Variants in MYO7B observed in about 807,000 individuals in gnomAD.
MYO7B encodes unconventional myosin-VIIb.
MYO7B carries 212 observed loss-of-function variants against 259.7 expected under a neutral mutation model. The observed-to-expected ratio is 0.82, with a 90% CI of 0.73 to 0.91. The LOEUF is 0.91. MYO7B is among the 40% of genes least tolerant of loss of function. MYO7B has a pLI of 0.00. For missense variants in MYO7B, 2,732 were observed against 2,813.5 expected, an observed-to-expected ratio of 0.97 and a Z score of 0.66; for synonymous variants, 1,197 against 1,166.4, an observed-to-expected ratio of 1.03 and a Z score of -0.54.
chr2:127,636,525 GC>G lies in MYO7B; in HGVS notation c.6124-18del, dbSNP rs1681821911. ...TGGCCTCCCGGGCTGGACTATGACC[GC>G]CGTGTCCCTCCCTCCCAGCAAACCT... is the stretch of plus-strand genomic sequence containing the variant. On this transcript the variant is annotated intron_variant, in intron 45 of 47. Coordinates refer to ENST00000409816, the MANE Select transcript of MYO7B (RefSeq NM_001393586.1). The surrounding 1 kb of genome is among the most constrained non-coding windows in gnomAD (Gnocchi z 4.5). 5.0e-6 allele frequency: 8 copies of G among 1,601,610 alleles called. No homozygotes were observed. The highest frequency in any genetic ancestry group is 6.8e-6 in the Non-Finnish European group (8 of 1,174,158).
chr2:127,572,397 C>T (rs1294966532), intron 6 of MYO7B, among the ~76,000 whole-genome samples: 44 of 145,472 alleles, frequency 3.0e-4, no homozygotes, highest in Admixed American at 2.0e-3. Context: ...CCAACCTGGG[C>T]GACAGAGTGA....
Position 127,635,907 on chromosome 2 carries a change from G to A in MYO7B, c.6006G>A (p.Lys2002=), listed in dbSNP as rs2105154237. 6.4e-7 allele frequency: 1 copy of A among 1,564,610 alleles called. No homozygotes were observed. The highest frequency in any genetic ancestry group is 1.2e-5 in the South Asian group (1 of 84,808). ...TRLMSSEEWK[K]SILLAYDKHK... is the part of the protein sequence containing the mutation. Reference sequence around the variant, plus strand: ...TGATGTCCTCGGAGGAGTGGAAAAAGGTCCCTGGTCGGGCTGGGGAAGGGT... The same window carrying A: ...TGATGTCCTCGGAGGAGTGGAAAAAAGTCCCTGGTCGGGCTGGGGAAGGGT... The change falls in exon 44 of 48, where the codon AAG becomes AAA. Residue 2002 remains lysine, a splice_region_variant and synonymous_variant. Transcript: ENST00000409816.
chr2:127,545,290 A>T (rs1470290683), intron 1 of MYO7B, among the ~76,000 whole-genome samples: 2 of 152,236 alleles, frequency 1.3e-5, no homozygotes, highest in African/African-American at 4.8e-5. Context: ...AAATGGTGGC[A>T]CCAGTTTACC....
At chr2:127,588,193 G>C (rs1176487702) in intron 14 of MYO7B, among the ~76,000 whole-genome samples, 199 bp from the exon 15 acceptor site, 1 of 152,112 alleles carries the variant, frequency 6.6e-6, no homozygotes, top group Admixed American at 6.5e-5. Context: ...CCAGAGTTTA[G>C]ACAGGAGAAG....
At position 127,588,250 on chromosome 2, in the gene MYO7B, G is replaced by T. The variant is rs1558818796; in HGVS notation, c.1691-142G>T. The stretch of plus-strand genomic sequence containing the variant: ...GTGGGGGCCATGCCTGGGTAGAGGG[G>T]TGGAGAGCATGGCCGTAGTGGGGCC... On this transcript the variant is annotated intron_variant, in intron 14 of 47. Transcript: ENST00000409816. 5.5e-6 allele frequency: 5 copies of T among 909,880 alleles called. No individual in the cohort carries two copies. In the East Asian group the frequency reaches 8.0e-5, roughly 15 times the overall value. The allele number at this position is 909,880 out of a possible 1,614,324, so 56.4% of individuals were successfully genotyped here. A position where few individuals can be genotyped will look rare whatever the true frequency, so the allele number is the denominator to read the frequency against.
intron 9 of MYO7B, among the ~76,000 whole-genome samples, chr2:127,580,329 G>C (rs1679050742): frequency 6.6e-6 from 1 of 152,180 alleles, no homozygotes; most frequent in East Asian, 1.9e-4. Flanking sequence ...AGCTCCATTA[G>C]TGCTTTGCTT....
At position 127,584,859 on chromosome 2, in the gene MYO7B, G is replaced by T. The variant is rs1360676931; in HGVS notation, c.1636G>T (p.Asp546Tyr). ...CTTCCTACAGCCCAAGAACATCCAC[G>T]ATGCCAGATTTGGCATTGCCCATTT... ...KAFLQPKNIH[D>Y]ARFGIAHFAG... The change falls in exon 14 of 48, where the codon GAT becomes TAT. Residue 546 changes from aspartate (D) to tyrosine (Y), a missense_variant. By Grantham distance (160) the Asp-to-Tyr change is radical. This residue lies in a region of MYO7B where 1,906 missense variants were observed against 2,026.4 expected (regional missense o/e 0.94). Transcript: ENST00000409816. The surrounding 1 kb of genome is among the most constrained non-coding windows in gnomAD (Gnocchi z 5.8). 1 of 1,613,912 alleles carries T rather than the reference G, an allele frequency of 6.2e-7. No individual in the cohort carries two copies. Among genetic ancestry groups the T allele is most frequent in the South Asian group, 1.1e-5 (1 of 91,080 alleles).
rs779728741 is a variant in MYO7B at position 127,623,231 on chromosome 2, C to T, written c.3675C>T (p.Ile1225=). Residue 1225 remains isoleucine, a synonymous_variant, in exon 29 of 48, where the codon ATC becomes ATT. Coordinates refer to ENST00000409816, the MANE Select transcript of MYO7B (RefSeq NM_001393586.1). ...QAVKSKKHIP[I]QVILATGESL... is the part of the protein sequence containing the mutation. ...TCAAGTCCAAGAAGCACATCCCCAT[C>T]CAAGTCATCTTGGCCACTGGAGAGA... The T allele has an allele frequency of 2.4e-5, 39 of 1,613,536 alleles. No homozygotes were observed. The highest frequency in any genetic ancestry group is 3.0e-5 in the Non-Finnish European group (35 of 1,179,808).
intron 1 of MYO7B, among the ~76,000 whole-genome samples, chr2:127,536,255 C>T (rs1238663530): frequency 2.0e-5 from 3 of 152,200 alleles, no homozygotes; most frequent in South Asian, 2.1e-4. Context: ...CATCCCACTG[C>T]GTCCTCGCAA....
In MYO7B at chr2:127,631,727, G is replaced by A; in HGVS notation, c.5223G>A (p.Leu1741=). ...AGGACGAGGTCTACTGCCAGATCCT[G>A]AAGCAGCTGACGCACAACTCCAACA... ...ALQDEVYCQI[L]KQLTHNSNRH... is the part of the protein sequence containing the mutation. The change falls in exon 38 of 48, where the codon CTG becomes CTA. Residue 1741 remains leucine, a synonymous_variant. Transcript: ENST00000409816. 1 of 1,612,888 alleles carries A rather than the reference G, an allele frequency of 6.2e-7. No individual in the cohort carries two copies. Among genetic ancestry groups the A allele is most frequent in the Non-Finnish European group, 8.5e-7 (1 of 1,179,832 alleles).
intron 30 of MYO7B, among the ~76,000 whole-genome samples, 192 bp downstream of exon 30, chr2:127,624,512 C>T (rs1681008996): frequency 6.6e-6 from 1 of 152,214 alleles, no homozygotes; most frequent in Non-Finnish European, 1.5e-5. Context: ...TCCAAGCCTC[C>T]GGGGTCCGTG....
chr2:127,606,354 C>T (rs919417962), intron 20 of MYO7B, among the ~76,000 whole-genome samples: 9 of 152,200 alleles, frequency 5.9e-5, no homozygotes, highest in Admixed American at 2.0e-4. Flanking sequence ...CTAGAGCAAC[C>T]ATGGCTGTGC....
intron 43 of MYO7B, 82 bp from the exon 44 acceptor site, chr2:127,635,640 C>T (rs1681757492): frequency 7.0e-7 from 1 of 1,432,770 alleles, no homozygotes; most frequent in African/African-American, 1.4e-5. Context: ...GCCCCAGTTC[C>T]CCACCATCTG....
chr2:127,634,468 A>C, intron 41 of MYO7B, 128 bp from the exon 42 acceptor site: 1 of 909,600 alleles, frequency 1.1e-6, no homozygotes, highest in Non-Finnish European at 1.7e-6. Flanking sequence ...ACACGCCAAT[A>C]GCCCACGCAC....
rs778319951 is a variant in MYO7B, at chr2:127,592,850, C to T, written c.2049C>T (p.Thr683=). The change falls in exon 17 of 48, where the codon ACC becomes ACT. Residue 683 remains threonine (T), a synonymous_variant. Coordinates refer to ENST00000409816, the MANE Select transcript of MYO7B (RefSeq NM_001393586.1). ...RQLRYSGMME[T]VHIRKSGFPI... Reference sequence around the variant, plus strand: ...TGCGATACTCGGGCATGATGGAGACCGTGCACATCCGCAAGTCGGGCTTCC... The same window carrying T: ...TGCGATACTCGGGCATGATGGAGACTGTGCACATCCGCAAGTCGGGCTTCC... The T allele has an allele frequency of 6.2e-6, 10 of 1,610,362 alleles. No homozygotes were observed. The highest frequency in any genetic ancestry group is 2.7e-5 in the African/African-American group (2 of 74,914).
intron 6 of MYO7B, among the ~76,000 whole-genome samples, chr2:127,571,420 T>C (rs969273114): frequency 7.0e-6 from 1 of 142,726 alleles, no homozygotes; most frequent in Non-Finnish European, 1.5e-5. Flanking sequence ...ATTCTTTAAT[T>C]GGTCTATTTC....
In MYO7B at chr2:127,636,901, C is replaced by T. The variant is rs746208066; in HGVS notation, c.6315C>T (p.Cys2105=). The change falls in exon 47 of 48, where the codon TGC becomes TGT. Residue 2105 remains cysteine, a synonymous_variant. Coordinates refer to ENST00000409816, the MANE Select transcript of MYO7B (RefSeq NM_001393586.1). The surrounding 1 kb of genome is among the most constrained non-coding windows in gnomAD (Gnocchi z 4.5). ...TGGGCCGTGGCAGCCGCCTGCTGTG[C>T]GAGACCTCCCTGGTGAGCTCAGGTT... ...GSLGRGSRLL[C]ETSLGYKMDD... is the part of the protein sequence containing the mutation. 1.1e-5 allele frequency: 17 copies of T among 1,612,552 alleles called. No homozygotes were observed. The highest frequency in any genetic ancestry group is 5.5e-5 in the South Asian group (5 of 91,088).
chr2:127,635,633 C>A, intron 43 of MYO7B, 89 bp from the exon 44 acceptor site: 1 of 1,389,166 alleles, frequency 7.2e-7, no homozygotes, highest in Non-Finnish European at 9.8e-7. Context: ...GGGCTAAGCC[C>A]CAGTTCCCCA....
Position 127,588,571 on chromosome 2 carries a change from C to A in MYO7B, c.1854+16C>A, listed in dbSNP as rs1002754295. The A allele has an allele frequency of 8.1e-6, 13 of 1,612,340 alleles. No homozygotes were observed. Among genetic ancestry groups the A allele is most frequent in the Middle Eastern group, 3.3e-4 (2 of 5,986 alleles). ...TCTCTTCAAGGTGGGCTCCCAGGCA[C>A]CCTCCTGGGTCTGTCACCCCTGATG... On this transcript the variant is annotated intron_variant, in intron 15 of 47. Coordinates refer to ENST00000409816, the MANE Select transcript of MYO7B (RefSeq NM_001393586.1).
Sources: gnomAD v4.1 joint callset for allele counts (sites outside exome capture counted in the v4.1 genomes callset) on GRCh38, gnomAD v4.1.1 for gene constraint, gnomAD v4.1.1 regional missense constraint, Gnocchi (gnomAD v3.1) non-coding constraint, MANE v1.5 for transcripts, NCBI Gene and HGNC (gene_info 2026-07-23, HGNC 2026-07-21) for gene names.